Variants in SPACA7 observed in about 807,000 individuals in gnomAD.
SPACA7 encodes sperm acrosome-associated protein 7.
SPACA7 carries 19 observed loss-of-function variants against 26.3 expected under a neutral mutation model. The observed-to-expected ratio is 0.72, with a 90% CI of 0.50 to 1.06. The LOEUF (loss-of-function observed/expected upper bound fraction) is 1.06, where lower values mean the gene tolerates loss of function less well. Ranked by LOEUF, SPACA7 falls within the 50% of genes least tolerant of loss-of-function variation. The probability of loss-of-function intolerance (pLI) is 0.00; values close to 1 mark genes in which losing one functional copy is unlikely to be tolerated. For synonymous variants in SPACA7, 84 were observed against 84.5 expected (o/e 0.99, Z 0.04); for missense variants, 211 against 229.9 (o/e 0.92, Z 0.53).
At chr13:112,408,256 A>G (rs1310158556) in intron 5 of SPACA7, among the ~76,000 whole-genome samples, 2 of 152,192 alleles carry the variant, frequency 1.3e-5, no homozygotes, top group Non-Finnish European at 2.9e-5. Flanking sequence ...ACCCACAGCC[A>G]ATATCATACT....
At chr13:112,431,364 G>A (rs1594339188) in intron 5 of SPACA7, among the ~76,000 whole-genome samples, 1 of 152,262 alleles carries the variant, frequency 6.6e-6, no homozygotes, top group South Asian at 2.1e-4. Context: ...CTGGGAGTAA[G>A]AAAAGTTTCA....
rs538216723 is a variant in SPACA7 at position 112,386,238 on chromosome 13, A to G, written c.95-6783A>G. Among the ~76,000 whole-genome samples the G allele has an allele frequency of 2.5e-4, 38 of 152,318 alleles. No individual in the cohort carries two copies. The South Asian group carries it at 7.9e-3, about 32-fold the overall frequency. On this transcript the variant is annotated intron_variant, in intron 1 of 6. Coordinates refer to ENST00000283550, the MANE Select transcript of SPACA7 (RefSeq NM_145248.5). ...CCCTATCTTCCAGATGCCCAAGAGC[A>G]TGCATCTCTGATCCAAGTAGGCAAA...
At chr13:112,413,220 T>C (rs1479129139) in intron 5 of SPACA7, among the ~76,000 whole-genome samples, 1 of 152,218 alleles carries the variant, frequency 6.6e-6, no homozygotes, top group African/African-American at 2.4e-5. Context: ...ACCCTTTTCT[T>C]TCAGATTGAA....
chr13:112,382,552 C>T (rs1884148868), intron 1 of SPACA7: 27 of 1,542,818 alleles, frequency 1.8e-5, no homozygotes, highest in Non-Finnish European at 2.3e-5. Context: ...GCGACACATG[C>T]AGGCCTGGCT....
chr13:112,409,657 C>A (rs1287538272), intron 5 of SPACA7, among the ~76,000 whole-genome samples: 1 of 152,094 alleles, frequency 6.6e-6, no homozygotes, highest in Non-Finnish European at 1.5e-5. Flanking sequence ...AAATCAAAAC[C>A]ACAATAAGAT....
At chr13:112,421,627 A>G (rs1190284115) in intron 5 of SPACA7, among the ~76,000 whole-genome samples, 1 of 152,238 alleles carries the variant, frequency 6.6e-6, no homozygotes, top group Non-Finnish European at 1.5e-5. Flanking sequence ...ATATAGGAAT[A>G]TAAATCATTC....
chr13:112,391,187 C>T (rs1355429934), intron 1 of SPACA7, among the ~76,000 whole-genome samples: 3 of 152,220 alleles, frequency 2.0e-5, no homozygotes, highest in African/African-American at 4.8e-5. Context: ...CTCCCAAGAT[C>T]TGATTTCCTC....
intron 1 of SPACA7, 110 bp from the exon 2 acceptor site, chr13:112,392,911 C>G: frequency 1.2e-6 from 1 of 814,286 alleles, no homozygotes; most frequent in East Asian, 2.7e-5. Context: ...GGCAGGGCTC[C>G]TTCCTCTAGA....
At chr13:112,390,910 C>T (rs1478120081) in intron 1 of SPACA7, among the ~76,000 whole-genome samples, 2 of 152,204 alleles carry the variant, frequency 1.3e-5, no homozygotes, top group African/African-American at 4.8e-5. Flanking sequence ...GAAACCCTCA[C>T]TGCGTGTCCT....
At chr13:112,396,035 C>T (rs1467620602) in intron 2 of SPACA7, among the ~76,000 whole-genome samples, 1 of 141,354 alleles carries the variant, frequency 7.1e-6, no homozygotes, top group Non-Finnish European at 1.6e-5. Context: ...TCTCTTTGGC[C>T]CCCAAAGCCA....
rs1885392165 is a variant in SPACA7, at chr13:112,398,029, T to A, written c.152-20T>A. On this transcript the variant is annotated intron_variant, in intron 2 of 6. Transcript: ENST00000283550. ...CCCTGCAGGGCCGACTCTAACGTGATCTTGTGTGCTTCTCCCAAGATGAAA... is the reference window on the plus strand; with the variant it reads ...CCCTGCAGGGCCGACTCTAACGTGAACTTGTGTGCTTCTCCCAAGATGAAA... The A allele has an allele frequency of 6.3e-7, 1 of 1,584,122 alleles. No homozygotes were observed. Among genetic ancestry groups the A allele is most frequent in the South Asian group, 1.1e-5 (1 of 90,344 alleles).
chr13:112,412,526 G>T (rs1468622755), intron 5 of SPACA7, among the ~76,000 whole-genome samples: 4 of 151,930 alleles, frequency 2.6e-5, no homozygotes, highest in Non-Finnish European at 5.9e-5. Context: ...AAAAATATTT[G>T]CCCAGACAGA....
At chr13:112,425,897 A>C (rs1320272266) in intron 5 of SPACA7, among the ~76,000 whole-genome samples, 1 of 152,206 alleles carries the variant, frequency 6.6e-6, no homozygotes, top group East Asian at 1.9e-4. Flanking sequence ...TCCATCTGCC[A>C]GGTCTGGGAT....
At chr13:112,385,023 A>G (rs1884433779) in intron 1 of SPACA7, among the ~76,000 whole-genome samples, 1 of 152,218 alleles carries the variant, frequency 6.6e-6, no homozygotes, top group African/African-American at 2.4e-5. Context: ...CAAAGAGCAG[A>G]TTAATTTTCT....
At chr13:112,377,893 AT>A (rs1340877471) in intron 1 of SPACA7, among the ~76,000 whole-genome samples, 2 of 152,196 alleles carry the variant, frequency 1.3e-5, no homozygotes, top group African/African-American at 4.8e-5. Context: ...AAAAACAAAG[AT>A]TTATAGTTGG....
In SPACA7 at chr13:112,415,218, G is replaced by C. The variant is rs892615646; in HGVS notation, c.445+14054G>C. Among the ~76,000 whole-genome samples, 19 of 152,240 alleles carry C rather than the reference G, an allele frequency of 1.2e-4. 1 individual carries two copies. The highest frequency in any genetic ancestry group is 4.1e-4 in the South Asian group (2 of 4,830). The stretch of plus-strand genomic sequence containing the variant: ...TGAGCTGCCTGGAGTTGGAAGAGGA[G>C]TGATACCGGCACTCTCATGGCCGCC... On this transcript the variant is annotated intron_variant, in intron 5 of 6. Coordinates refer to ENST00000283550, the MANE Select transcript of SPACA7 (RefSeq NM_145248.5).
chr13:112,407,845 G>C (rs1225047044), intron 5 of SPACA7, among the ~76,000 whole-genome samples: 1 of 152,138 alleles, frequency 6.6e-6, no homozygotes, highest in Non-Finnish European at 1.5e-5. Flanking sequence ...AGAAAAAGAG[G>C]GAATCCTCCC....
intron 1 of SPACA7, among the ~76,000 whole-genome samples, chr13:112,387,719 G>T (rs919006691): frequency 2.6e-5 from 4 of 152,132 alleles, no homozygotes; most frequent in African/African-American, 9.7e-5. Flanking sequence ...TAGCTGTGGG[G>T]TTCAAGCCAC....
At chr13:112,392,109 C>A (rs1276423187) in intron 1 of SPACA7, among the ~76,000 whole-genome samples, 1 of 152,190 alleles carries the variant, frequency 6.6e-6, no homozygotes, top group Non-Finnish European at 1.5e-5. Flanking sequence ...CTGAGCCCAA[C>A]CTCGGGGCTG....
Sources: gnomAD v4.1 joint callset for allele counts (sites outside exome capture counted in the v4.1 genomes callset) on GRCh38, gnomAD v4.1.1 for gene constraint, MANE v1.5 for transcripts, NCBI Gene and HGNC (gene_info 2026-07-23, HGNC 2026-07-21) for gene names.